CBLB: variants seen among roughly 807,000 people sequenced by gnomAD.
The protein encoded by CBLB is E3 ubiquitin-protein ligase CBL-B.
CBLB carries 31 observed loss-of-function variants against 104.9 expected under a neutral mutation model. The ratio of observed to expected loss-of-function variants is 0.30; its 90% CI spans 0.22 to 0.40. The LOEUF (loss-of-function observed/expected upper bound fraction) is 0.40, where lower values mean the gene tolerates loss of function less well. CBLB is among the 10% of genes least tolerant of loss of function. The pLI is 1.00. For missense variants in CBLB, 1,062 were observed against 1,214.6 expected (o/e 0.87, Z 1.87); for synonymous variants, 440 against 422.6 (o/e 1.04, Z -0.51).
chr3:105,769,290 C>T (rs139969708), intron 4 of CBLB, among the ~76,000 whole-genome samples: 13,252 of 152,060 alleles, frequency 0.087, 662 homozygotes, highest in East Asian at 0.28. Context: ...TGCACTCTAG[C>T]CTGGGCAACA....
chr3:105,785,583 C>A (rs1466575903), intron 3 of CBLB, among the ~76,000 whole-genome samples: 1 of 152,090 alleles, frequency 6.6e-6, no homozygotes, highest in Non-Finnish European at 1.5e-5. Context: ...CTAATTGTTC[C>A]CTGACAGTTC....
chr3:105,684,569 T>A (rs1470162470), intron 14 of CBLB, among the ~76,000 whole-genome samples: 3 of 151,882 alleles, frequency 2.0e-5, no homozygotes, highest in African/African-American at 7.3e-5. Flanking sequence ...TTTTTTTTTT[T>A]TGAGATGGTG....
chr3:105,775,387 A>C (rs2079338288), intron 4 of CBLB, among the ~76,000 whole-genome samples: 1 of 120,870 alleles, frequency 8.3e-6, no homozygotes, highest in Non-Finnish European at 1.8e-5. Flanking sequence ...AAACAAAAAC[A>C]AACAAAGGAA....
chr3:105,753,915 G>A (rs1457409056), intron 4 of CBLB, among the ~76,000 whole-genome samples: 1 of 152,120 alleles, frequency 6.6e-6, no homozygotes, highest in Non-Finnish European at 1.5e-5. Context: ...AAAAGGACAA[G>A]CTACATTTCC....
chr3:105,699,993 C>T (rs1030317787), intron 12 of CBLB, among the ~76,000 whole-genome samples: 2 of 151,986 alleles, frequency 1.3e-5, no homozygotes, highest in Non-Finnish European at 2.9e-5. Context: ...GAGAACTAAG[C>T]AATATTAAAG....
At chr3:105,712,985 T>C (rs1202778939) in intron 10 of CBLB, among the ~76,000 whole-genome samples, 1 of 152,010 alleles carries the variant, frequency 6.6e-6, no homozygotes, top group South Asian at 2.1e-4. Context: ...GTATAAAAAA[T>C]GTGGCCAGGT....
In CBLB at chr3:105,762,547, C is replaced by A. The variant is rs1488115554; in HGVS notation, c.567-10929G>T. The A allele has an allele frequency of 3.3e-5, 5 of 152,324 alleles. No homozygotes were observed. The East Asian group carries it at 5.8e-4, about 18-fold the overall frequency. 9.4% of individuals were successfully genotyped at this position (152,324 alleles called of 1,614,324 possible). A position where few individuals can be genotyped will look rare whatever the true frequency, so the allele number is the denominator to read the frequency against. On this transcript the variant is annotated intron_variant, in intron 4 of 18. Coordinates refer to ENST00000394030, the MANE Select transcript of CBLB (RefSeq NM_170662.5). ...TATTTCAGAGGGTGCAAGCCTCAAG[C>A]CTTGGCAGCTTCCACATGGTGTTTG...
chr3:105,812,146 G>A (rs953887785), intron 3 of CBLB, among the ~76,000 whole-genome samples: 1 of 152,160 alleles, frequency 6.6e-6, no homozygotes, highest in Non-Finnish European at 1.5e-5. Context: ...GGCATATACA[G>A]TTAAAGAGGA....
At chr3:105,712,008 G>A (rs935189229) in intron 10 of CBLB, among the ~76,000 whole-genome samples, 2 of 152,054 alleles carry the variant, frequency 1.3e-5, no homozygotes, top group African/African-American at 4.8e-5. Context: ...TTGCCGACAG[G>A]TCTCCTTTAA....
intron 3 of CBLB, among the ~76,000 whole-genome samples, chr3:105,825,524 A>G (rs569572803): frequency 6.6e-6 from 1 of 152,332 alleles, no homozygotes; most frequent in African/African-American, 2.4e-5. Context: ...GTAACTCATA[A>G]TTGTCCTCTG....
intron 9 of CBLB, among the ~76,000 whole-genome samples, chr3:105,726,712 G>A (rs1440867737): frequency 2.6e-5 from 4 of 152,100 alleles, no homozygotes; most frequent in Middle Eastern, 3.4e-3. Context: ...TTGCCCCCCA[G>A]CCGCTGACAG....
chr3:105,755,315 C>T (rs2076992051), intron 4 of CBLB, among the ~76,000 whole-genome samples: 1 of 152,050 alleles, frequency 6.6e-6, no homozygotes, highest in African/African-American at 2.4e-5. Context: ...TGGGATTAAT[C>T]AGATGCAGGG....
chr3:105,675,465 CA>C (rs1254131708), intron 17 of CBLB, among the ~76,000 whole-genome samples: 1 of 152,042 alleles, frequency 6.6e-6, no homozygotes, highest in Non-Finnish European at 1.5e-5. Context: ...GCTCATTTAT[CA>C]GCCAAAAAAA....
intron 13 of CBLB, among the ~76,000 whole-genome samples, chr3:105,692,884 T>G (rs1241065534): frequency 6.7e-6 from 1 of 149,342 alleles, no homozygotes; most frequent in East Asian, 1.9e-4. Flanking sequence ...ATATCTAGTG[T>G]GCCTCTGGGG....
chr3:105,859,507 T>C (rs932328180), intron 2 of CBLB, among the ~76,000 whole-genome samples: 37 of 151,648 alleles, frequency 2.4e-4, no homozygotes, highest in African/African-American at 8.7e-4. Flanking sequence ...AAAACAAAAT[T>C]AGCAGGGTGT....
At position 105,670,303 on chromosome 3, in the gene CBLB, T is replaced by C. The variant is rs371722891; in HGVS notation, c.2619A>G (p.Arg873=). ...TTTTGACATTTTCACCTGGTAACCT[T>C]CTAGCAGGAGGCAAAGGAACTTGGC... ...ASGQVPLPPA[R]RLPGENVKTN... Residue 873 remains arginine, a synonymous_variant, in exon 18 of 19, where the codon AGA becomes AGG. Coordinates refer to ENST00000394030, the MANE Select transcript of CBLB (RefSeq NM_170662.5). 6.2e-7 allele frequency: 1 copy of C among 1,610,558 alleles called. No homozygotes were observed. The highest frequency in any genetic ancestry group is 1.1e-5 in the South Asian group (1 of 90,980).
At chr3:105,855,070 G>A (rs1393692525) in intron 2 of CBLB, among the ~76,000 whole-genome samples, 1 of 152,190 alleles carries the variant, frequency 6.6e-6, no homozygotes, top group Non-Finnish European at 1.5e-5. Context: ...GAAGGTATAT[G>A]TGAGGCATAC....
intron 13 of CBLB, among the ~76,000 whole-genome samples, chr3:105,686,122 T>A (rs1487214552): frequency 6.6e-6 from 1 of 152,150 alleles, no homozygotes; most frequent in Non-Finnish European, 1.5e-5. Flanking sequence ...CCTGGCTAAA[T>A]AAAAGAGAAT....
At chr3:105,772,612 A>G (rs2078993277) in intron 4 of CBLB, among the ~76,000 whole-genome samples, 1 of 152,244 alleles carries the variant, frequency 6.6e-6, no homozygotes, top group Non-Finnish European at 1.5e-5. Flanking sequence ...CTTGCAAACT[A>G]TGCTTCTGAC....
Sources: gnomAD v4.1 joint callset for allele counts (sites outside exome capture counted in the v4.1 genomes callset) on GRCh38, gnomAD v4.1.1 for gene constraint, MANE v1.5 for transcripts, NCBI Gene and HGNC (gene_info 2026-07-23, HGNC 2026-07-21) for gene names.